MIS18A: variants seen among roughly 807,000 people sequenced by gnomAD.
MIS18A encodes MIS18 kinetochore protein A.
A neutral mutation model predicts 25.0 loss-of-function variants in MIS18A; 14 were observed. That is an observed-to-expected ratio of 0.56 (90% CI 0.37 to 0.88). MIS18A has a LOEUF of 0.88. Ranked by LOEUF, MIS18A falls within the 40% of genes least tolerant of loss-of-function variation. The pLI, the probability that MIS18A is intolerant of heterozygous loss-of-function variation, is 0.00. For missense variants in MIS18A, 292 were observed against 290.8 expected (o/e 1.00, Z -0.03); for synonymous variants, 134 against 118.6 (o/e 1.13, Z -0.84).
At chr21:32,266,145 T>C (rs1286983186), downstream of MIS18A, among the ~76,000 whole-genome samples, 1 of 150,124 alleles carries the variant, frequency 6.7e-6, no homozygotes, top group African/African-American at 2.4e-5. Flanking sequence ...CAGCACCCTG[T>C]GTTTAGCTCA....
At chr21:32,157,117 G>A in the MIS18A span, among the ~76,000 whole-genome samples, 42 of 146,766 alleles carry the variant, frequency 2.9e-4, no homozygotes, top group African/African-American at 6.8e-4. Context: ...GTGCAGTGGC[G>A]TGATCTTGGC....
At chr21:32,191,592 G>GAAAACA in the MIS18A span, among the ~76,000 whole-genome samples, 15 of 151,858 alleles carry the variant, frequency 9.9e-5, no homozygotes, top group Admixed American at 3.3e-4. Flanking sequence ...CCTTAAAAAA[G>GAAAACA]AAAACAAAAA....
chr21:32,163,753 G>C, the MIS18A span, among the ~76,000 whole-genome samples: 2 of 152,152 alleles, frequency 1.3e-5, no homozygotes, highest in Admixed American at 1.3e-4. Context: ...TGAGTGGCAG[G>C]ACATTTCCAG....
chr21:32,192,953 A>G, the MIS18A span, among the ~76,000 whole-genome samples: 471 of 152,274 alleles, frequency 3.1e-3, 3 homozygotes, highest in African/African-American at 0.01. Context: ...TGTTTGCCTG[A>G]TTAAATCAGA....
chr21:32,158,422 T>C, the MIS18A span, among the ~76,000 whole-genome samples: 1 of 152,166 alleles, frequency 6.6e-6, no homozygotes, highest in South Asian at 2.1e-4. Context: ...AGTTTTGTAT[T>C]AGTGCGCTTT....
chr21:32,265,203 T>G (rs981383128), downstream of MIS18A, among the ~76,000 whole-genome samples: 17 of 152,154 alleles, frequency 1.1e-4, no homozygotes, highest in African/African-American at 4.1e-4. Context: ...TCTCGGCACC[T>G]CCCCTGCCTG....
chr21:32,262,294 A>C, the MIS18A span, among the ~76,000 whole-genome samples: 14 of 152,264 alleles, frequency 9.2e-5, 1 homozygote, highest in Middle Eastern at 3.2e-3. Flanking sequence ...CAGTTGTGAC[A>C]GTCAAAAAGC....
chr21:32,181,448 A>C, the MIS18A span, among the ~76,000 whole-genome samples: 1 of 152,146 alleles, frequency 6.6e-6, no homozygotes, highest in African/African-American at 2.4e-5. Flanking sequence ...ACCCTCACTA[A>C]TACATGGGGA....
At chr21:32,276,488 G>GAAAAAA (rs2031813654) in intron 1 of MIS18A, among the ~76,000 whole-genome samples, 1 of 129,178 alleles carries the variant, frequency 7.7e-6, no homozygotes, top group Non-Finnish European at 1.7e-5. Flanking sequence ...AAAAAAAAAG[G>GAAAAAA]AAAATATTTT....
chr21:32,187,209 C>G, the MIS18A span, among the ~76,000 whole-genome samples: 97 of 152,336 alleles, frequency 6.4e-4, no homozygotes, highest in Middle Eastern at 0.017. Flanking sequence ...GCCAGTTAAT[C>G]CTCCACTCCA....
chr21:32,214,783 C>G, the MIS18A span, among the ~76,000 whole-genome samples: 10,414 of 152,274 alleles, frequency 0.068, 1,197 homozygotes, highest in African/African-American at 0.23. Flanking sequence ...TACCTGCAGC[C>G]CGGCCCTTGC....
the MIS18A span, among the ~76,000 whole-genome samples, chr21:32,206,152 T>A: frequency 1.3e-5 from 2 of 152,200 alleles, no homozygotes; most frequent in Non-Finnish European, 2.9e-5. Context: ...TAGATTTTTT[T>A]AAGTGTGATT....
At chr21:32,239,296 T>G in the MIS18A span, among the ~76,000 whole-genome samples, 2 of 152,186 alleles carry the variant, frequency 1.3e-5, no homozygotes, top group African/African-American at 4.8e-5. Context: ...GGGTTAGTTT[T>G]CTGGTGGGGA....
chr21:32,215,699 G>T, the MIS18A span, among the ~76,000 whole-genome samples: 4 of 152,082 alleles, frequency 2.6e-5, no homozygotes, highest in African/African-American at 9.7e-5. Flanking sequence ...TCATAATTTT[G>T]TCCTGGAGAG....
At chr21:32,259,482 C>A in the MIS18A span, among the ~76,000 whole-genome samples, 1,078 of 152,314 alleles carry the variant, frequency 7.1e-3, 14 homozygotes, top group African/African-American at 0.024. Context: ...CACTCCCTGA[C>A]ACCTTCCTAG....
chr21:32,235,042 C>T, the MIS18A span, among the ~76,000 whole-genome samples: 1 of 152,104 alleles, frequency 6.6e-6, no homozygotes, highest in Non-Finnish European at 1.5e-5. Context: ...CAGAGATGAC[C>T]CATGCCCATG....
chr21:32,227,754 A>C, the MIS18A span, among the ~76,000 whole-genome samples: 1 of 152,246 alleles, frequency 6.6e-6, no homozygotes, highest in South Asian at 2.1e-4. Context: ...ACAAGAGAAG[A>C]AAATTACATA....
At chr21:32,266,614 A>C (rs931717952), downstream of MIS18A, among the ~76,000 whole-genome samples, 32 of 151,762 alleles carry the variant, frequency 2.1e-4, no homozygotes, top group Admixed American at 1.0e-3. Flanking sequence ...GAGCTGTAAC[A>C]CTCACCGCGA....
chr21:32,190,598 A>C, the MIS18A span, among the ~76,000 whole-genome samples: 3 of 152,186 alleles, frequency 2.0e-5, no homozygotes, highest in Non-Finnish European at 4.4e-5. Context: ...ACATATGTTT[A>C]ATTTTCTAAG....
Sources: gnomAD v4.1 joint callset for allele counts (sites outside exome capture counted in the v4.1 genomes callset) on GRCh38, gnomAD v4.1.1 for gene constraint, MANE v1.5 for transcripts, NCBI Gene and HGNC (gene_info 2026-07-23, HGNC 2026-07-21) for gene names.